MYH3: variants seen among roughly 807,000 people sequenced by gnomAD.
MYH3 encodes myosin-3.
A neutral mutation model predicts 238.0 loss-of-function variants in MYH3; 130 were observed. That is an observed-to-expected ratio of 0.55 (90% CI 0.47 to 0.63). MYH3 has a LOEUF of 0.63. Ranked by LOEUF, MYH3 falls within the 30% of genes least tolerant of loss-of-function variation. The probability of loss-of-function intolerance (pLI) is 0.00; values close to 1 mark genes in which losing one functional copy is unlikely to be tolerated. For synonymous variants in MYH3, 880 were observed against 924.1 expected (o/e 0.95, Z 0.86); for missense variants, 1,853 against 2,374.9 (o/e 0.78, Z 4.57).
chr17:10,638,165 C>T lies in MYH3; in HGVS notation c.3607G>A (p.Glu1203Lys), dbSNP rs1223550924. The stretch of plus-strand genomic sequence containing the variant: ...AGGTTGTCAATCTGCTCCCCAAGCT[C>T]GGCCACACTATCCGCATGCTTCTTC... ...LRKKHADSVA[E>K]LGEQIDNLQR... Residue 1203 changes from glutamate (E) to lysine (K), a missense_variant, in exon 27 of 41, where the codon GAG (glutamate) becomes AAG (lysine). Glu to Lys is a moderately conservative substitution (Grantham distance 56). Transcript: ENST00000583535. 5.6e-6 allele frequency: 9 copies of T among 1,613,876 alleles called. No individual in the cohort carries two copies. Among genetic ancestry groups the T allele is most frequent in the Admixed American group, 5.0e-5 (3 of 59,986 alleles).
chr17:10,664,332 G>A, the MYH3 span, among the ~76,000 whole-genome samples: 5 of 152,116 alleles, frequency 3.3e-5, no homozygotes, highest in Admixed American at 2.0e-4. Context: ...ACCAAGGCAC[G>A]AGACAGGTAG....
At position 10,640,543 on chromosome 17, in the gene MYH3, T is replaced by C. The variant is rs79053911; in HGVS notation, c.2289+20A>G. Reference sequence around the variant, plus strand: ...TCAAGAGGACGAAAAGGCCAGCATCTGTCAGAACTGATGCATTACCTTGGT... The same window carrying C: ...TCAAGAGGACGAAAAGGCCAGCATCCGTCAGAACTGATGCATTACCTTGGT... On this transcript the variant is annotated intron_variant, in intron 20 of 40. Coordinates refer to ENST00000583535, the MANE Select transcript of MYH3 (RefSeq NM_002470.4). The C allele has an allele frequency of 2.8e-3, 4,559 of 1,614,266 alleles. 15 individuals carry two copies. Among genetic ancestry groups the C allele is most frequent in the South Asian group, 6.2e-3 (569 of 91,090 alleles).
Position 10,654,717 on chromosome 17 carries a change from T to A in MYH3, c.204+144A>T. On this transcript the variant is annotated intron_variant, in intron 3 of 40. Transcript: ENST00000583535. The surrounding 1 kb of genome is among the most constrained non-coding windows in gnomAD (Gnocchi z 4.5). ...TCACTCTGCTTTCTCTGAGGATACC[T>A]GGGAAGCCCCAGGCTACATTGTATG... The A allele has an allele frequency of 1.2e-6, 1 of 806,132 alleles. No individual in the cohort carries two copies. Among genetic ancestry groups the A allele is most frequent in the Non-Finnish European group, 2.2e-6 (1 of 456,270 alleles). The allele number at this position is 806,132 out of a possible 1,614,324, so 49.9% of individuals were successfully genotyped here. A position where few individuals can be genotyped will look rare whatever the true frequency, so the allele number is the denominator to read the frequency against.
chr17:10,645,679 C>A lies in MYH3; in HGVS notation c.1141+28G>T, dbSNP rs529339287. 1.2e-5 allele frequency: 20 copies of A among 1,611,812 alleles called. No homozygotes were observed. The South Asian group carries it at 1.5e-4, about 12-fold the overall frequency. On this transcript the variant is annotated intron_variant, in intron 12 of 40. Transcript: ENST00000583535. ...GACCTCAGCAGATCAGCCACCCGCT[C>A]TGGTTTGCTGTCACACTGATTTTGT...
chr17:10,634,428 T>A (rs1355859862), intron 31 of MYH3, among the ~76,000 whole-genome samples: 3 of 152,234 alleles, frequency 2.0e-5, no homozygotes, highest in Admixed American at 2.0e-4. Flanking sequence ...CTGGGCATAA[T>A]TGTCCTTTTC....
chr17:10,632,982 G>T (rs2074180164), intron 33 of MYH3, among the ~76,000 whole-genome samples, 198 bp from the exon 34 acceptor site: 1 of 152,118 alleles, frequency 6.6e-6, no homozygotes, highest in Non-Finnish European at 1.5e-5. Flanking sequence ...GAGGCCGAGG[G>T]GGGCAGATCA....
At chr17:10,673,353 T>C in the MYH3 span, 4 of 118,280 alleles carry the variant, frequency 3.4e-5, no homozygotes, top group Non-Finnish European at 7.3e-5. Flanking sequence ...AATGTTGACG[T>C]CGTCAATCAA....
In MYH3 at chr17:10,656,626, C is replaced by T. The variant is rs796491898; in HGVS notation, c.-67-478G>A. Among the ~76,000 whole-genome samples, 8 of 152,208 alleles carry T rather than the reference C, an allele frequency of 5.3e-5. No homozygotes were observed. In the South Asian group the frequency reaches 1.7e-3, roughly 32 times the overall value. On this transcript the variant is annotated intron_variant, in intron 1 of 40. Coordinates refer to ENST00000583535, the MANE Select transcript of MYH3 (RefSeq NM_002470.4). ...CAGATGGGACGTGACCCACAGGAAG[C>T]CAGGCAGGGAGGAAAAACCCTCAGC...
At chr17:10,659,785 C>T (rs1021257835), upstream of MYH3, among the ~76,000 whole-genome samples, 4 of 152,148 alleles carry the variant, frequency 2.6e-5, no homozygotes, top group East Asian at 3.8e-4. Context: ...ATGAGGAAAC[C>T]GAAGGCAGGA....
intron 8 of MYH3, among the ~76,000 whole-genome samples, chr17:10,647,703 C>A (rs543202306): frequency 1.2e-4 from 19 of 152,298 alleles, no homozygotes; most frequent in Admixed American, 2.6e-4. Context: ...TGCCACCACA[C>A]CTGGCTAATT....
upstream of MYH3, among the ~76,000 whole-genome samples, chr17:10,657,553 C>A (rs2074446198): frequency 6.6e-6 from 1 of 152,204 alleles, no homozygotes; most frequent in African/African-American, 2.4e-5. Context: ...CCGGTGCTCC[C>A]TCCCCTGATG....
chr17:10,631,910 T>A lies in MYH3; in HGVS notation c.5063A>T (p.Glu1688Val), dbSNP rs568057910. 6.2e-7 allele frequency: 1 copy of A among 1,614,108 alleles called. No individual in the cohort carries two copies. The highest frequency in any genetic ancestry group is 8.5e-7 in the Non-Finnish European group (1 of 1,180,036). The change falls in exon 35 of 41, where the codon GAG (glutamate) becomes GTG (valine). Residue 1688 changes from glutamate to valine, a missense_variant. By Grantham distance (121) the Glu-to-Val change is moderately radical (BLOSUM62 -2). Around this residue, in one of 3 missense-constraint regions of MYH3, gnomAD observed 1,044 missense variants for 1,192.6 expected, o/e 0.88. Transcript: ENST00000583535. ...CGTCTGCTCCAGAGTAGCCCGCAGC[T>A]CCTCCACCTCGGCCTGCAGCAGGTT... is the stretch of plus-strand genomic sequence containing the variant. Reference protein sequence around the residue: ...RANLLQAEVEELRATLEQTER... With the variant: ...RANLLQAEVEVLRATLEQTER...
rs369612990 is a variant in MYH3, at chr17:10,629,671, C to T, written c.5722G>A (p.Glu1908Lys). 8.1e-6 allele frequency: 13 copies of T among 1,614,088 alleles called. No homozygotes were observed. The highest frequency in any genetic ancestry group is 1.0e-5 in the Non-Finnish European group (12 of 1,180,052). Residue 1908 changes from glutamate (E) to lysine (K), a missense_variant, in exon 40 of 41, where the codon GAG (glutamate) becomes AAG (lysine). Coordinates refer to ENST00000583535, the MANE Select transcript of MYH3 (RefSeq NM_002470.4). ...GATTCTGCGATATCCGCACGTTCCT[C>T]GGCCTCCTCCAGCTCATGCTGAGCC... Reference protein sequence around the residue: ...RKAQHELEEAEERADIAESQV... With the variant: ...RKAQHELEEAKERADIAESQV...
At chr17:10,650,531 G>T (rs1791046749) in intron 5 of MYH3, 130 bp from the exon 6 acceptor site, 1 of 794,002 alleles carries the variant, frequency 1.3e-6, no homozygotes, top group Non-Finnish European at 2.1e-6. Flanking sequence ...TTAGCCTTTA[G>T]GTGGGAATCT....
chr17:10,638,095 T>C lies in MYH3; in HGVS notation c.3677A>G (p.Lys1226Arg). 6.2e-7 allele frequency: 1 copy of C among 1,613,788 alleles called. No homozygotes were observed. Among genetic ancestry groups the C allele is most frequent in the East Asian group, 2.2e-5 (1 of 44,828 alleles). ...QKLEKEKSEFKLEIDDLSSSM... is the reference protein window; with the variant it reads ...QKLEKEKSEFRLEIDDLSSSM... The stretch of plus-strand genomic sequence containing the variant: ...GCTGGAGAGGTCATCGATCTCCAGC[T>C]TGAACTCGCTCTTCTCCTTCTCCAG... Residue 1226 changes from lysine to arginine, a missense_variant, in exon 27 of 41, where the codon AAG (lysine) becomes AGG (arginine). Transcript: ENST00000583535.
the MYH3 span, chr17:10,674,427 AAAACAAAC>A: frequency 3.1e-5 from 9 of 288,640 alleles, 1 homozygote; most frequent in African/African-American, 1.4e-4. Flanking sequence ...ACTCCATCTC[AAAACAAAC>A]AAACAAACAA....
At chr17:10,678,251 A>C in the MYH3 span, 1 of 152,386 alleles carries the variant, frequency 6.6e-6, no homozygotes, top group East Asian at 1.9e-4. Flanking sequence ...CGATAGCAGC[A>C]GAACAAACAG....
At chr17:10,635,139 AC>A (rs1274424404) in intron 30 of MYH3, 116 bp from the exon 31 acceptor site, 19 of 1,354,392 alleles carry the variant, frequency 1.4e-5, no homozygotes, top group Non-Finnish European at 2.0e-5. Flanking sequence ...GTGTTTTTAT[AC>A]GCCCAGGAGA....
Position 10,635,920 on chromosome 17 carries a change from T to C in MYH3, c.3857-67A>G. ...ATTCACTCACCAACTTTCTATTATG[T>C]GTAGGGCACTGTGCTAAGATCTGGG... On this transcript the variant is annotated intron_variant, in intron 28 of 40. Transcript: ENST00000583535. 2.4e-6 allele frequency: 3 copies of C among 1,275,082 alleles called. No individual in the cohort carries two copies. In the South Asian group the frequency reaches 3.6e-5, roughly 15 times the overall value. The allele number at this position is 1,275,082 out of a possible 1,614,324, so 79.0% of individuals were successfully genotyped here.
Sources: allele counts gnomAD v4.1 joint callset (sites outside exome capture counted in the v4.1 genomes callset), GRCh38; gene constraint gnomAD v4.1.1; regional missense constraint gnomAD v4.1.1; non-coding constraint Gnocchi (gnomAD v3.1); transcripts MANE v1.5; gene names NCBI Gene and HGNC (gene_info 2026-07-23, HGNC 2026-07-21).